Variants in SLC25A12 observed in about 807,000 individuals in gnomAD.
SLC25A12 encodes solute carrier family 25 member 12.
Under a neutral mutation model 83.3 loss-of-function variants are expected in SLC25A12, and 32 were observed. The ratio of observed to expected loss-of-function variants is 0.38; its 90% confidence interval spans 0.29 to 0.52. SLC25A12 has a LOEUF of 0.52. Ranked by LOEUF, SLC25A12 falls within the 20% of genes least tolerant of loss-of-function variation. The pLI is 0.84. For missense variants in SLC25A12, 611 were observed against 835.6 expected (o/e 0.73, Z 3.31); for synonymous variants, 267 against 291.1 (o/e 0.92, Z 0.84).
At chr2:171,819,247 A>AAT in intron 9 of SLC25A12, among the ~76,000 whole-genome samples, 1 of 126,098 alleles carries the variant, frequency 7.9e-6, no homozygotes, top group South Asian at 2.2e-4. Flanking sequence ...AATATATACT[A>AAT]ATATATATAA....
Position 171,844,413 on chromosome 2 carries a change from G to C in SLC25A12, c.421C>G (p.Arg141Gly). ...TCTGTGTAGTTAAGATGCTTCTTCC[G>C]GTTATGCCCAAAATGCAGTCGGATA... is the stretch of plus-strand genomic sequence containing the variant. Reference protein sequence around the residue: ...EFIRLHFGHNRKKHLNYTEFT... With the variant: ...EFIRLHFGHNGKKHLNYTEFT... Residue 141 changes from arginine to glycine, a missense_variant, in exon 5 of 18, where the codon CGG becomes GGG. Physicochemically the swap from Arg to Gly is moderately radical, Grantham distance 125. Around this residue, in one of 3 missense-constraint regions of SLC25A12, gnomAD observed 540 missense variants for 777.5 expected, o/e 0.69. Coordinates refer to ENST00000422440, the MANE Select transcript of SLC25A12 (RefSeq NM_003705.5). 1 of 1,613,924 alleles carries C rather than the reference G, an allele frequency of 6.2e-7. No homozygotes were observed. The highest frequency in any genetic ancestry group is 8.5e-7 in the Non-Finnish European group (1 of 1,179,924).
chr2:171,793,725 C>G lies in SLC25A12; in HGVS notation c.1348G>C (p.Val450Leu). Residue 450 changes from valine to leucine, a missense_variant, in exon 14 of 18, where the codon GTG becomes CTG. Physicochemically the swap from Val to Leu is conservative, Grantham distance 32. Coordinates refer to ENST00000422440, the MANE Select transcript of SLC25A12 (RefSeq NM_003705.5). ...QVIFTNPLEI[V>L]KIRLQVAGEI... is the part of the protein sequence containing the mutation. ...CCAGCTACTTGCAGACGAATCTTCACTATCTCCAATGGGTTGGTAAAAATG... is the reference window on the plus strand; with the variant it reads ...CCAGCTACTTGCAGACGAATCTTCAGTATCTCCAATGGGTTGGTAAAAATG... 1 of 1,614,166 alleles carries G rather than the reference C, an allele frequency of 6.2e-7. No individual in the cohort carries two copies. The highest frequency in any genetic ancestry group is 8.5e-7 in the Non-Finnish European group (1 of 1,180,024).
Position 171,843,177 on chromosome 2 carries a change from A to T in SLC25A12, c.465+1192T>A, listed in dbSNP as rs186061412. Among the ~76,000 whole-genome samples, 407 of 152,268 alleles carry T rather than the reference A, an allele frequency of 2.7e-3. 2 individuals are homozygous for T. Among genetic ancestry groups the T allele is most frequent in the African/African-American group, 9.4e-3 (390 of 41,548 alleles). ...TGTAAATTTTACCTCAAATTTTTTTAAAAAAGAAAGCTCCTGGAGAGCTCC... is the reference window on the plus strand; with the variant it reads ...TGTAAATTTTACCTCAAATTTTTTTTAAAAAGAAAGCTCCTGGAGAGCTCC... On this transcript the variant is annotated intron_variant, in intron 5 of 17. Transcript: ENST00000422440.
chr2:171,866,565 CGGGCGGCTGGCCGGGCGGG>C (rs1685314951), intron 3 of SLC25A12, among the ~76,000 whole-genome samples: 1 of 59,684 alleles, frequency 1.7e-5, no homozygotes, highest in African/African-American at 6.6e-5. Context: ...CCTCCCGAAC[CGGGCGGCTGGCCGGGCGGG>C]GGGCTGACCC....
Position 171,893,273 on chromosome 2 carries a change from GA to G in SLC25A12, c.13-16del, listed in dbSNP as rs751172779. 5.3e-5 allele frequency: 85 copies of G among 1,611,856 alleles called. No homozygotes were observed. The highest frequency in any genetic ancestry group is 1.6e-4 in the Middle Eastern group (1 of 6,078). ...GTTGTCTGCACCTGTAAGCAAAAAA[GA>G]AAAAAAAGCCAGTTAATGCTTCACT... On this transcript the variant is annotated splice_polypyrimidine_tract_variant and intron_variant, in intron 1 of 17. Coordinates refer to ENST00000422440, the MANE Select transcript of SLC25A12 (RefSeq NM_003705.5).
intron 2 of SLC25A12, among the ~76,000 whole-genome samples, chr2:171,870,304 T>C (rs1034416520): frequency 9.2e-5 from 14 of 152,300 alleles, no homozygotes; most frequent in African/African-American, 3.4e-4. Flanking sequence ...CATAATAATA[T>C]AGACATCAAA....
intron 2 of SLC25A12, among the ~76,000 whole-genome samples, chr2:171,881,736 C>G (rs1460167700): frequency 1.3e-5 from 2 of 152,174 alleles, no homozygotes; most frequent in Non-Finnish European, 2.9e-5. Context: ...CTTATTCATC[C>G]TCATACCTCT....
At chr2:171,884,943 G>C (rs1250418741) in intron 2 of SLC25A12, among the ~76,000 whole-genome samples, 2 of 152,158 alleles carry the variant, frequency 1.3e-5, no homozygotes, top group Non-Finnish European at 2.9e-5. Context: ...GCCAGGTGCG[G>C]TGGCTCACGC....
chr2:171,812,514 A>G (rs1683966621), intron 11 of SLC25A12, among the ~76,000 whole-genome samples: 1 of 152,150 alleles, frequency 6.6e-6, no homozygotes, highest in African/African-American at 2.4e-5. Context: ...GCCCAAAGAG[A>G]TTAAAAAATT....
intron 13 of SLC25A12, among the ~76,000 whole-genome samples, chr2:171,807,396 C>T (rs1683856196): frequency 6.6e-6 from 1 of 152,132 alleles, no homozygotes; most frequent in African/African-American, 2.4e-5. Context: ...TAAACAGGGT[C>T]GGTAGCTAGG....
chr2:171,868,929 AATAAAG>A, intron 2 of SLC25A12, 106 bp from the exon 3 acceptor site: 1 of 960,596 alleles, frequency 1.0e-6, no homozygotes, highest in East Asian at 2.6e-5. Context: ...TTAAAATCAA[AATAAAG>A]ATAATAAATG....
intron 10 of SLC25A12, among the ~76,000 whole-genome samples, chr2:171,814,230 G>C (rs192195098): frequency 7.9e-4 from 120 of 152,200 alleles, no homozygotes; most frequent in Non-Finnish European, 4.3e-4. Flanking sequence ...ACACCTGCTA[G>C]CTTCTTCTCA....
intron 2 of SLC25A12, among the ~76,000 whole-genome samples, chr2:171,884,045 CTT>C (rs752910386): frequency 1.5e-4 from 21 of 136,360 alleles, no homozygotes; most frequent in Admixed American, 3.7e-4. Context: ...TCTTTTTTAT[CTT>C]TTTTTTTTTT....
intron 3 of SLC25A12, among the ~76,000 whole-genome samples, chr2:171,867,991 C>G (rs2105917011): frequency 6.6e-6 from 1 of 152,072 alleles, no homozygotes; most frequent in East Asian, 2.0e-4. Flanking sequence ...ACTACAGGCG[C>G]CCGTCACCGT....
intron 3 of SLC25A12, among the ~76,000 whole-genome samples, chr2:171,861,147 T>A: frequency 6.6e-6 from 1 of 151,264 alleles, no homozygotes; most frequent in Admixed American, 6.6e-5. Context: ...AATAATATAA[T>A]CTCTGTGGTA....
chr2:171,819,219 CATATT>C (rs1176504682), intron 9 of SLC25A12, among the ~76,000 whole-genome samples: 2 of 118,094 alleles, frequency 1.7e-5, no homozygotes, highest in Admixed American at 9.5e-5. Flanking sequence ...ATATATAATA[CATATT>C]ATATATGTAT....
At chr2:171,809,442 T>C in intron 13 of SLC25A12, 164 bp downstream of exon 13, 1 of 679,528 alleles carries the variant, frequency 1.5e-6, no homozygotes, top group Non-Finnish European at 2.6e-6. Context: ...CAAAACCCGT[T>C]AGCTTTTACA....
chr2:171,864,606 C>T (rs1033511433), intron 3 of SLC25A12, among the ~76,000 whole-genome samples: 2 of 152,196 alleles, frequency 1.3e-5, no homozygotes, highest in African/African-American at 4.8e-5. Flanking sequence ...AGCACATGCG[C>T]ACGCACACAC....
intron 15 of SLC25A12, among the ~76,000 whole-genome samples, chr2:171,791,014 C>T (rs1428614943): frequency 6.6e-6 from 1 of 152,072 alleles, no homozygotes; most frequent in African/African-American, 2.4e-5. Context: ...GCTCAATTTT[C>T]GGCCAAATCA....
Sources: gnomAD v4.1 joint callset for allele counts (sites outside exome capture counted in the v4.1 genomes callset) on GRCh38, gnomAD v4.1.1 for gene constraint, gnomAD v4.1.1 regional missense constraint, MANE v1.5 for transcripts, NCBI Gene and HGNC (gene_info 2026-07-23, HGNC 2026-07-21) for gene names.